The following ATG7 variants were observed in gnomAD, a reference collection of about 807,000 sequenced individuals.
ATG7 encodes the protein autophagy related 7.
A neutral mutation model predicts 82.4 loss-of-function variants in ATG7; 70 were observed. The observed-to-expected ratio is 0.85, with a 90% confidence interval of 0.70 to 1.04. The LOEUF (loss-of-function observed/expected upper bound fraction) is 1.04, where lower values mean the gene tolerates loss of function less well. Among genes scored for constraint, ATG7 ranks in the 50% least tolerant of loss-of-function variants. The probability of loss-of-function intolerance (pLI) is 0.00; values close to 1 mark genes in which losing one functional copy is unlikely to be tolerated. For missense variants in ATG7, 792 were observed against 864.3 expected (o/e 0.92, Z 1.05); for synonymous variants, 287 against 313.0 (o/e 0.92, Z 0.88).
intron 20 of ATG7, among the ~76,000 whole-genome samples, chr3:11,527,318 T>G (rs1231942292): frequency 2.0e-5 from 3 of 152,034 alleles, no homozygotes; most frequent in Admixed American, 6.6e-5. Flanking sequence ...TTGGCCAGGT[T>G]GAACTCCTGA....
chr3:11,378,123 C>T (rs1221807051), intron 18 of ATG7, among the ~76,000 whole-genome samples: 1 of 141,898 alleles, frequency 7.0e-6, no homozygotes, highest in African/African-American at 2.6e-5. Context: ...AAGTGATTCT[C>T]CTGCCTCAGC....
At chr3:11,359,765 C>T (rs997391136) in intron 15 of ATG7, among the ~76,000 whole-genome samples, 11 of 151,176 alleles carry the variant, frequency 7.3e-5, no homozygotes, top group African/African-American at 2.7e-4. Flanking sequence ...GTGGCATGTG[C>T]CTGTAATTCC....
At position 11,557,253 on chromosome 3, in the gene ATG7, TA is replaced by T; in HGVS notation, c.*2412del. ...TTAATATAGCAAATAATAAATGCAG[TA>T]ATAACAGTATAAAGTCAGAGGAATG... On this transcript the variant is annotated 3_prime_UTR_variant, in exon 21 of 21. Transcript: ENST00000693202. 1 of 152,782 alleles carries T rather than the reference TA, an allele frequency of 6.5e-6. No individual in the cohort carries two copies. Among genetic ancestry groups the T allele is most frequent in the Non-Finnish European group, 1.5e-5 (1 of 68,042 alleles). The allele number at this position is 152,782 out of a possible 1,614,324, so 9.5% of individuals were successfully genotyped here.
At chr3:11,412,080 T>G (rs1377738007) in intron 19 of ATG7, among the ~76,000 whole-genome samples, 1 of 151,970 alleles carries the variant, frequency 6.6e-6, no homozygotes, top group Non-Finnish European at 1.5e-5. Context: ...GAAACAAGGC[T>G]TTAAATCTGG....
At chr3:11,330,774 C>T (rs535597015) in intron 9 of ATG7, among the ~76,000 whole-genome samples, 14 of 152,292 alleles carry the variant, frequency 9.2e-5, no homozygotes, top group Middle Eastern at 6.8e-3. Context: ...CAGCAGAAGT[C>T]TTCACTGAAG....
rs889103417 is a variant in ATG7, at chr3:11,524,760, C to T, written c.2080-30051C>T. On this transcript the variant is annotated intron_variant, in intron 20 of 20. Coordinates refer to ENST00000693202, the MANE Select transcript of ATG7 (RefSeq NM_001349232.2). ...TATGATCATGCCACTGTGCTCCAGC[C>T]TGGGCAACAGAGCAAAACCCTGTCA... 2.8e-4 allele frequency among the ~76,000 whole-genome samples: 42 copies of T among 152,092 alleles called. 1 individual carries two copies. Among genetic ancestry groups the T allele is most frequent in the Non-Finnish European group, 1.0e-4 (7 of 67,998 alleles).
At chr3:11,544,626 C>G (rs1014044818) in intron 20 of ATG7, among the ~76,000 whole-genome samples, 2 of 152,232 alleles carry the variant, frequency 1.3e-5, no homozygotes, top group Non-Finnish European at 2.9e-5. Flanking sequence ...TGCCCCCGCC[C>G]ACCCCTGTCC....
At chr3:11,481,716 C>T (rs1251523539) in intron 20 of ATG7, among the ~76,000 whole-genome samples, 2 of 152,218 alleles carry the variant, frequency 1.3e-5, no homozygotes, top group African/African-American at 4.8e-5. Context: ...CACAGGGCTT[C>T]AGCTCCTATC....
At chr3:11,502,370 C>A (rs2091397218) in intron 20 of ATG7, among the ~76,000 whole-genome samples, 1 of 102,756 alleles carries the variant, frequency 9.7e-6, no homozygotes, top group African/African-American at 3.7e-5. Context: ...GCTATCCCTC[C>A]CCCCTCCCCC....
intron 20 of ATG7, among the ~76,000 whole-genome samples, chr3:11,538,443 G>A (rs956751428): frequency 7.1e-6 from 1 of 141,330 alleles, no homozygotes; most frequent in Non-Finnish European, 1.6e-5. Context: ...TTTGCTAGCT[G>A]TGTGGCCCTG....
At chr3:11,549,894 A>G (rs2071618205) in intron 20 of ATG7, among the ~76,000 whole-genome samples, 1 of 152,218 alleles carries the variant, frequency 6.6e-6, no homozygotes, top group African/African-American at 2.4e-5. Context: ...GACATCGGGC[A>G]TCGCTGGCCT....
chr3:11,346,488 C>A (rs924807413), intron 13 of ATG7: 9 of 152,174 alleles, frequency 5.9e-5, no homozygotes, highest in Non-Finnish European at 1.2e-4. Context: ...CACATCCTCA[C>A]CAGCATTGAG....
chr3:11,441,812 G>A (rs1014951437), intron 20 of ATG7, among the ~76,000 whole-genome samples: 1 of 151,516 alleles, frequency 6.6e-6, no homozygotes, highest in South Asian at 2.1e-4. Context: ...GACTACAGGC[G>A]CCTGCCACCA....
chr3:11,399,564 CCCTT>C (rs567897098), intron 19 of ATG7, among the ~76,000 whole-genome samples: 27 of 151,578 alleles, frequency 1.8e-4, no homozygotes, highest in Non-Finnish European at 2.7e-4. Context: ...TTTCCTCCCT[CCCTT>C]CCTTCCTTCC....
chr3:11,391,154 T>C (rs978894455), intron 19 of ATG7, among the ~76,000 whole-genome samples: 8 of 152,180 alleles, frequency 5.3e-5, no homozygotes, highest in Non-Finnish European at 1.2e-4. Flanking sequence ...TAAAAAACTT[T>C]CCATCTTTAG....
At chr3:11,536,399 C>T (rs906673034) in intron 20 of ATG7, among the ~76,000 whole-genome samples, 2 of 152,226 alleles carry the variant, frequency 1.3e-5, no homozygotes, top group African/African-American at 4.8e-5. Context: ...ACCGGCTCCA[C>T]CTGGCCAGCG....
chr3:11,364,835 C>A, intron 18 of ATG7, 101 bp downstream of exon 18: 1 of 1,220,312 alleles, frequency 8.2e-7, no homozygotes, highest in African/African-American at 1.5e-5. Context: ...CATATCCACC[C>A]TACTTACCCT....
intron 20 of ATG7, among the ~76,000 whole-genome samples, chr3:11,476,624 C>T (rs1184521139): frequency 2.0e-5 from 3 of 152,142 alleles, no homozygotes; most frequent in Admixed American, 6.5e-5. Context: ...TGGTAACTCA[C>T]TTTATTCTCA....
intron 20 of ATG7, among the ~76,000 whole-genome samples, chr3:11,461,624 A>C (rs1319617749): frequency 6.6e-6 from 1 of 152,170 alleles, no homozygotes; most frequent in Non-Finnish European, 1.5e-5. Flanking sequence ...GAGAATTCTT[A>C]GTGGTTTTAA....
Sources: allele counts gnomAD v4.1 joint callset (sites outside exome capture counted in the v4.1 genomes callset), GRCh38; gene constraint gnomAD v4.1.1; transcripts MANE v1.5; gene names NCBI Gene and HGNC (gene_info 2026-07-23, HGNC 2026-07-21).